ACTR1B: variants seen among roughly 807,000 people sequenced by gnomAD.
The protein encoded by ACTR1B is actin related protein 1B.
In ACTR1B, 34 loss-of-function variants were observed where a neutral mutation model predicts 49.4. The ratio of observed to expected loss-of-function variants is 0.69; its 90% CI spans 0.52 to 0.92. The LOEUF (loss-of-function observed/expected upper bound fraction) is 0.92. Among genes scored for constraint, ACTR1B ranks in the 40% least tolerant of loss-of-function variants. The pLI is 0.00. For missense variants in ACTR1B, 471 were observed against 522.4 expected (o/e 0.90, Z 0.96); for synonymous variants, 207 against 207.8 (o/e 1.00, Z 0.03).
At position 97,657,511 on chromosome 2, in the gene ACTR1B, T is replaced by C. The variant is rs748338807; in HGVS notation, c.926-2A>G. 2 of 1,614,246 alleles carry C rather than the reference T, an allele frequency of 1.2e-6. No individual in the cohort carries two copies. The highest frequency in any genetic ancestry group is 1.7e-6 in the Non-Finnish European group (2 of 1,180,036). On this transcript the variant is annotated splice_acceptor_variant, in intron 8 of 10. Transcript: ENST00000289228. LOFTEE classifies it high-confidence loss of function. ...CACTGAGTAATCGGTCTCCGAAGCC[T>C]GTGAACACAAAGCTGGCTGAGCCTG...
Position 97,656,417 on chromosome 2 carries a change from A to G in ACTR1B, c.*441T>C, listed in dbSNP as rs1056783762. 3 of 220,492 alleles carry G rather than the reference A, an allele frequency of 1.4e-5. No individual in the cohort carries two copies. The highest frequency in any genetic ancestry group is 6.9e-5 in the African/African-American group (3 of 43,328). 13.7% of individuals were successfully genotyped at this position (220,492 alleles called of 1,614,324 possible). A position where few individuals can be genotyped will look rare whatever the true frequency, so the allele number is the denominator to read the frequency against. ...GTGAAAGGGGCTGTGTCACCCTGTC[A>G]GGTCACGAACAGGAGGTGGCAATGG... On this transcript the variant is annotated 3_prime_UTR_variant, in exon 11 of 11. Transcript: ENST00000289228.
At position 97,659,216 on chromosome 2, in the gene ACTR1B, A is replaced by G; in HGVS notation, c.315+136T>C. On this transcript the variant is annotated intron_variant, in intron 4 of 10. Transcript: ENST00000289228. The surrounding 1 kb of genome is among the most constrained non-coding windows in gnomAD (Gnocchi z 4.0). Reference sequence around the variant, plus strand: ...TAGCAGCCACTGGGTACGTATGCGCACCCAGACACACACGGAAAGGCAGCA... The same window carrying G: ...TAGCAGCCACTGGGTACGTATGCGCGCCCAGACACACACGGAAAGGCAGCA... 6.9e-7 allele frequency: 1 copy of G among 1,454,294 alleles called. No individual in the cohort carries two copies. The allele number at this position is 1,454,294 out of a possible 1,614,324, so 90.1% of individuals were successfully genotyped here.
chr2:97,661,684 G>C (rs952944862), intron 2 of ACTR1B, among the ~76,000 whole-genome samples, 198 bp downstream of exon 2: 2 of 152,162 alleles, frequency 1.3e-5, no homozygotes, highest in Admixed American at 1.3e-4. Context: ...CAAAACGAGA[G>C]ACTCCCAAGA....
intron 1 of ACTR1B, 109 bp downstream of exon 1, chr2:97,663,734 C>A (rs1157798162): frequency 3.4e-6 from 2 of 596,118 alleles, no homozygotes; most frequent in Non-Finnish European, 4.6e-6. Flanking sequence ...GGGCGACGGC[C>A]ACGCAGTGAG....
chr2:97,658,771 A>G lies in ACTR1B; in HGVS notation c.440+108T>C. 2 of 1,582,432 alleles carry G rather than the reference A, an allele frequency of 1.3e-6. No homozygotes were observed. The highest frequency in any genetic ancestry group is 2.2e-5 in the South Asian group (2 of 89,978). On this transcript the variant is annotated intron_variant, in intron 5 of 10. Coordinates refer to ENST00000289228, the MANE Select transcript of ACTR1B (RefSeq NM_005735.4). The surrounding 1 kb of genome is among the most constrained non-coding windows in gnomAD (Gnocchi z 5.9). The stretch of plus-strand genomic sequence containing the variant: ...AGGACACGAGGGACTCCCTAGAGGA[A>G]CAGTCATCAAGGGGCTGTTTTTCCA...
At chr2:97,662,244 G>A (rs1005805284) in intron 1 of ACTR1B, among the ~76,000 whole-genome samples, 4 of 152,130 alleles carry the variant, frequency 2.6e-5, no homozygotes, top group Admixed American at 2.0e-4. Context: ...ATGCACAGGC[G>A]AGCCTGCACT....
In ACTR1B at chr2:97,658,455, T is replaced by C. The variant is rs1674916836; in HGVS notation, c.629A>G (p.Glu210Gly). Residue 210 changes from glutamate (E) to glycine (G), a missense_variant, in exon 6 of 11, where the codon GAG becomes GGG. Coordinates refer to ENST00000289228, the MANE Select transcript of ACTR1B (RefSeq NM_005735.4). The surrounding 1 kb of genome is among the most constrained non-coding windows in gnomAD (Gnocchi z 5.9). ...TTTGATTGTCCGGACAACCTCAAAC[T>C]CAGCCGAGGTATGGAAGTCAACCCC... ...KEGVDFHTSA[E>G]FEVVRTIKER... The C allele has an allele frequency of 1.2e-6, 2 of 1,613,948 alleles. No individual in the cohort carries two copies. The highest frequency in any genetic ancestry group is 1.7e-6 in the Non-Finnish European group (2 of 1,179,988).
Position 97,656,724 on chromosome 2 carries a change from G to A in ACTR1B, c.*134C>T, listed in dbSNP as rs993077707. ...GAGGGGAAGGCTGCAGGGGGGCACT[G>A]CTGTGCCACCCACCCAGGGGTTCAG... is the stretch of plus-strand genomic sequence containing the variant. On this transcript the variant is annotated 3_prime_UTR_variant, in exon 11 of 11. Transcript: ENST00000289228. 5 of 701,068 alleles carry A rather than the reference G, an allele frequency of 7.1e-6. No individual in the cohort carries two copies. Among genetic ancestry groups the A allele is most frequent in the Admixed American group, 6.6e-5 (3 of 45,548 alleles). 43.4% of individuals were successfully genotyped at this position (701,068 alleles called of 1,614,324 possible).
intron 2 of ACTR1B, 63 bp downstream of exon 2, chr2:97,661,819 A>C: frequency 6.6e-7 from 1 of 1,510,914 alleles, no homozygotes; most frequent in Non-Finnish European, 9.0e-7. Context: ...CCTGTGACAG[A>C]AGGCCAATGT....
rs1273562400 is a variant in ACTR1B, at chr2:97,656,284, G to GC, written c.*573dup. 6.4e-6 allele frequency: 1 copy of GC among 155,614 alleles called. No individual in the cohort carries two copies. The highest frequency in any genetic ancestry group is 2.4e-5 in the African/African-American group (1 of 41,506). 9.6% of individuals were successfully genotyped at this position (155,614 alleles called of 1,614,324 possible). On this transcript the variant is annotated 3_prime_UTR_variant, in exon 11 of 11. Transcript: ENST00000289228. ...TAGCCACCGTGCATCCTCTGCCCTG[G>GC]CTCTGAAGGGCCTGACCCTGGGCTG... is the stretch of plus-strand genomic sequence containing the variant.
Position 97,659,316 on chromosome 2 carries a change from A to T in ACTR1B, c.315+36T>A. On this transcript the variant is annotated intron_variant, in intron 4 of 10. Coordinates refer to ENST00000289228, the MANE Select transcript of ACTR1B (RefSeq NM_005735.4). The surrounding 1 kb of genome is among the most constrained non-coding windows in gnomAD (Gnocchi z 4.0). Reference sequence around the variant, plus strand: ...CGCAGAGGAGAGGGGCATGGCCAGGAGAATGCAGAGCATGCAGGAGGGGCA... The same window carrying T: ...CGCAGAGGAGAGGGGCATGGCCAGGTGAATGCAGAGCATGCAGGAGGGGCA... 1 of 1,613,250 alleles carries T rather than the reference A, an allele frequency of 6.2e-7. No individual in the cohort carries two copies. The highest frequency in any genetic ancestry group is 8.5e-7 in the Non-Finnish European group (1 of 1,179,862).
Position 97,659,413 on chromosome 2 carries a change from T to G in ACTR1B, c.254A>C (p.Asp85Ala), listed in dbSNP as rs141238033. 2.3e-4 allele frequency: 372 copies of G among 1,614,008 alleles called. 1 individual carries two copies. Among genetic ancestry groups the G allele is most frequent in the Admixed American group, 7.7e-4 (46 of 60,018 alleles). The change falls in exon 4 of 11, where the codon GAC (aspartate) becomes GCC (alanine). Residue 85 changes from aspartate (D) to alanine (A), a missense_variant. By Grantham distance (126) the Asp-to-Ala change is moderately radical. Coordinates refer to ENST00000289228, the MANE Select transcript of ACTR1B (RefSeq NM_005735.4). The surrounding 1 kb of genome is among the most constrained non-coding windows in gnomAD (Gnocchi z 4.0). ...GACGTACTGCCAGATGCGTTCCATGTCGTTCCAGTCTCGCACCACGCCGTG... is the reference window on the plus strand; with the variant it reads ...GACGTACTGCCAGATGCGTTCCATGGCGTTCCAGTCTCGCACCACGCCGTG... ...MEHGVVRDWNDMERIWQYVYS... is the reference protein window; with the variant it reads ...MEHGVVRDWNAMERIWQYVYS...
Position 97,658,900 on chromosome 2 carries a change from G to A in ACTR1B, c.419C>T (p.Ser140Phe). Residue 140 changes from serine (S) to phenylalanine (F), a missense_variant, in exon 5 of 11, where the codon TCC becomes TTC. Physicochemically the swap from Ser to Phe is radical, Grantham distance 155 (BLOSUM62 -2). Coordinates refer to ENST00000289228, the MANE Select transcript of ACTR1B (RefSeq NM_005735.4). This position sits in a 1 kb window ranked among gnomAD's most constrained non-coding sequence, Gnocchi z 5.9. The part of the protein sequence containing the change: ...ETFNVPALFI[S>F]MQAVLSLYAT... Reference sequence around the variant, plus strand: ...TCACAGACTGAGCACAGCCTGCATGGAGATGAACAGGGCCGGCACGTTGAA... The same window carrying A: ...TCACAGACTGAGCACAGCCTGCATGAAGATGAACAGGGCCGGCACGTTGAA... The A allele has an allele frequency of 1.2e-6, 2 of 1,614,152 alleles. No homozygotes were observed. Among genetic ancestry groups the A allele is most frequent in the Non-Finnish European group, 1.7e-6 (2 of 1,180,022 alleles).
At chr2:97,662,159 G>C (rs527855051) in intron 1 of ACTR1B, among the ~76,000 whole-genome samples, 2 of 152,308 alleles carry the variant, frequency 1.3e-5, no homozygotes, top group Non-Finnish European at 2.9e-5. Context: ...GGCAGCTGGG[G>C]AGAGGGGACA....
chr2:97,660,397 C>T lies in ACTR1B; in HGVS notation c.189+174G>A, dbSNP rs188172519. On this transcript the variant is annotated intron_variant, in intron 3 of 10. Transcript: ENST00000289228. Reference sequence around the variant, plus strand: ...GGACACGATGAGCTCTACCCATGCTCCCTAGAAGAGGAACTGCTGCCCCAT... The same window carrying T: ...GGACACGATGAGCTCTACCCATGCTTCCTAGAAGAGGAACTGCTGCCCCAT... 5.1e-3 allele frequency among the ~76,000 whole-genome samples: 775 copies of T among 152,346 alleles called. 2 individuals are homozygous for T. Among genetic ancestry groups the T allele is most frequent in the Non-Finnish European group, 8.3e-3 (563 of 68,034 alleles).
intron 1 of ACTR1B, among the ~76,000 whole-genome samples, chr2:97,663,001 C>A (rs1176558808): frequency 6.6e-6 from 1 of 152,184 alleles, no homozygotes; most frequent in African/African-American, 2.4e-5. Context: ...CCAGAAAGAG[C>A]ACAAGTGAGT....
rs770107213 is a variant in ACTR1B, at chr2:97,663,942, T to TGGGCGGGC, written c.-60_-53dup. On this transcript the variant is annotated 5_prime_UTR_variant, in exon 1 of 11. Coordinates refer to ENST00000289228, the MANE Select transcript of ACTR1B (RefSeq NM_005735.4). ...CAGGCGGGCTGCAGGAGGCACCGGA[T>TGGGCGGGC]GGGCGGGCGGGCGGGAGGACCGGGA... 1.6e-5 allele frequency: 3 copies of TGGGCGGGC among 189,738 alleles called. No individual in the cohort carries two copies. The highest frequency in any genetic ancestry group is 4.5e-4 in the East Asian group (2 of 4,418). The allele number at this position is 189,738 out of a possible 1,614,324, so 11.8% of individuals were successfully genotyped here.
At chr2:97,663,728 G>T in intron 1 of ACTR1B, 115 bp downstream of exon 1, 1 of 517,762 alleles carries the variant, frequency 1.9e-6, no homozygotes, top group Non-Finnish European at 2.7e-6. Context: ...CGGCGGGGGC[G>T]ACGGCCACGC....
intron 8 of ACTR1B, 100 bp downstream of exon 8, chr2:97,657,842 CA>C: frequency 7.0e-7 from 1 of 1,431,978 alleles, no homozygotes; most frequent in Non-Finnish European, 9.5e-7. Context: ...TGAGCACCAC[CA>C]AAAAGCCAAC....
Sources: gnomAD v4.1 joint callset for allele counts (sites outside exome capture counted in the v4.1 genomes callset) on GRCh38, gnomAD v4.1.1 for gene constraint, Gnocchi (gnomAD v3.1) non-coding constraint, MANE v1.5 for transcripts, NCBI Gene and HGNC (gene_info 2026-07-23, HGNC 2026-07-21) for gene names.